Variants in WDR49 observed in about 807,000 individuals in gnomAD.
WDR49 encodes cilia- and flagella-associated protein 337.
In WDR49, 107 loss-of-function variants were observed where a neutral mutation model predicts 119.5. The observed-to-expected ratio is 0.90, with a 90% CI of 0.77 to 1.05. The LOEUF is 1.05. Ranked by LOEUF, WDR49 falls within the 50% of genes least tolerant of loss-of-function variation. WDR49 has a pLI of 0.00. For synonymous variants in WDR49, 425 were observed against 418.8 expected (o/e 1.01, Z -0.18); for missense variants, 1,240 against 1,220.5 (o/e 1.02, Z -0.24).
At chr3:167,505,226 GA>G in intron 17 of WDR49, 80 bp downstream of exon 17, 1 of 1,284,600 alleles carries the variant, frequency 7.8e-7, no homozygotes, top group Non-Finnish European at 9.9e-7. Context: ...GAACATTCCT[GA>G]CACACAGAGT....
intron 12 of WDR49, 27 bp from the exon 13 acceptor site, chr3:167,531,306 T>C (rs1481010522): frequency 6.2e-7 from 1 of 1,607,934 alleles, no homozygotes; most frequent in Admixed American, 1.7e-5. Flanking sequence ...GCCAAGTATA[T>C]TAATGAAGAA....
chr3:167,599,644 G>C (rs2108303712), intron 7 of WDR49, among the ~76,000 whole-genome samples: 1 of 152,310 alleles, frequency 6.6e-6, no homozygotes, highest in East Asian at 1.9e-4. Context: ...TCAAATAGAA[G>C]TGTCTCACTG....
In WDR49 at chr3:167,545,495, T is replaced by C. The variant is rs1712120879; in HGVS notation, c.1824-8495A>G. Among the ~76,000 whole-genome samples the C allele has an allele frequency of 2.5e-5, 3 of 121,602 alleles. No homozygotes were observed. In the South Asian group the frequency reaches 8.0e-4, roughly 32 times the overall value. The allele number at this position is 121,602 out of a possible 152,430, so 79.8% of individuals were successfully genotyped here. A position where few individuals can be genotyped will look rare whatever the true frequency, so the allele number is the denominator to read the frequency against. The stretch of plus-strand genomic sequence containing the variant: ...ATAAAGAAAATGTACCATATATATA[T>C]TATATATTATATATTATATATATAT... On this transcript the variant is annotated intron_variant, in intron 10 of 18. Transcript: ENST00000682715.
At chr3:167,508,924 T>C (rs1227366298) in intron 16 of WDR49, among the ~76,000 whole-genome samples, 1 of 152,210 alleles carries the variant, frequency 6.6e-6, no homozygotes, top group African/African-American at 2.4e-5. Flanking sequence ...TGAAATCTAC[T>C]GACAGAATAA....
intron 7 of WDR49, among the ~76,000 whole-genome samples, chr3:167,579,748 A>G (rs1012637776): frequency 3.3e-5 from 5 of 152,188 alleles, no homozygotes; most frequent in Non-Finnish European, 7.4e-5. Flanking sequence ...TTATAAATAT[A>G]AATAGAATTG....
intron 7 of WDR49, among the ~76,000 whole-genome samples, chr3:167,590,889 T>C (rs1384862029): frequency 1.3e-5 from 2 of 152,084 alleles, no homozygotes; most frequent in African/African-American, 2.4e-5. Flanking sequence ...TTTCATTTCA[T>C]TGATCTTTGT....
chr3:167,512,655 A>T (rs891279912), intron 16 of WDR49, among the ~76,000 whole-genome samples: 8 of 152,198 alleles, frequency 5.3e-5, no homozygotes, highest in Non-Finnish European at 1.0e-4. Context: ...TGGGTAATAA[A>T]CTTCACTGAG....
chr3:167,616,676 T>C (rs1716610754), intron 5 of WDR49, among the ~76,000 whole-genome samples: 1 of 151,740 alleles, frequency 6.6e-6, no homozygotes, highest in Non-Finnish European at 1.5e-5. Context: ...AAAATAACAA[T>C]AGAAAAATTT....
At chr3:167,503,751 G>A (rs990236375) in intron 17 of WDR49, among the ~76,000 whole-genome samples, 2 of 152,154 alleles carry the variant, frequency 1.3e-5, no homozygotes, top group African/African-American at 4.8e-5. Context: ...AGCTCAGCCC[G>A]AGCCATAACA....
chr3:167,527,838 A>G lies in WDR49; in HGVS notation c.2586T>C (p.Pro862=). ...TTTCTACCTGACCAAAGATCCAAAC[A>G]GGAGCATTGCAGACACCAGTCACAC... ...SICVTGVCNA[P]VWIFGQAKHW... Residue 862 remains proline, a synonymous_variant, in exon 15 of 19, where the codon CCT becomes CCC. Transcript: ENST00000682715. 1.2e-6 allele frequency: 2 copies of G among 1,612,846 alleles called. No homozygotes were observed. Among genetic ancestry groups the G allele is most frequent in the Non-Finnish European group, 8.5e-7 (1 of 1,179,318 alleles).
intron 8 of WDR49, among the ~76,000 whole-genome samples, chr3:167,574,713 A>C (rs1176558563): frequency 6.6e-6 from 1 of 152,192 alleles, no homozygotes; most frequent in Non-Finnish European, 1.5e-5. Context: ...AATATTGCTC[A>C]TCTTATGGCC....
chr3:167,555,266 G>C (rs73878749), intron 9 of WDR49, among the ~76,000 whole-genome samples: 2,632 of 152,272 alleles, frequency 0.017, 66 homozygotes, highest in African/African-American at 0.058. Context: ...GGGAGTTGAA[G>C]AGATTCTAGA....
upstream of WDR49, among the ~76,000 whole-genome samples, chr3:167,655,492 G>C (rs1048238395): frequency 1.3e-5 from 2 of 152,158 alleles, no homozygotes; most frequent in African/African-American, 4.8e-5. Flanking sequence ...ACAGAACAGA[G>C]AGAAGAGCAT....
intron 16 of WDR49, among the ~76,000 whole-genome samples, chr3:167,517,153 G>C (rs1752244149): frequency 6.6e-6 from 1 of 151,972 alleles, no homozygotes; most frequent in Non-Finnish European, 1.5e-5. Flanking sequence ...ATTCTTGACA[G>C]AATTAGAAAA....
intron 8 of WDR49, among the ~76,000 whole-genome samples, chr3:167,567,889 T>G (rs890975630): frequency 1.3e-5 from 2 of 152,314 alleles, no homozygotes; most frequent in South Asian, 4.1e-4. Flanking sequence ...GAAAAAAACA[T>G]TCTCATTGTC....
chr3:167,489,300 C>G (rs890017627), intron 18 of WDR49, among the ~76,000 whole-genome samples: 14 of 152,038 alleles, frequency 9.2e-5, no homozygotes, highest in Non-Finnish European at 1.9e-4. Context: ...GGGGTTGGCT[C>G]ACTCCTCACC....
intron 11 of WDR49, among the ~76,000 whole-genome samples, chr3:167,534,983 A>G (rs1752972690): frequency 6.6e-6 from 1 of 152,230 alleles, no homozygotes; most frequent in Non-Finnish European, 1.5e-5. Flanking sequence ...CAATACAAAT[A>G]AAAGCTAATA....
chr3:167,515,469 A>G (rs745555811), intron 16 of WDR49, among the ~76,000 whole-genome samples: 12 of 152,130 alleles, frequency 7.9e-5, no homozygotes, highest in Non-Finnish European at 1.8e-4. Context: ...AATAAAATAT[A>G]TATTGAAGGA....
intron 7 of WDR49, among the ~76,000 whole-genome samples, chr3:167,593,496 C>T (rs1217705285): frequency 6.6e-6 from 1 of 151,948 alleles, no homozygotes. Context: ...TGATAGAATT[C>T]TGAATTCCTT....
Sources: allele counts gnomAD v4.1 joint callset (sites outside exome capture counted in the v4.1 genomes callset), GRCh38; gene constraint gnomAD v4.1.1; transcripts MANE v1.5; gene names NCBI Gene and HGNC (gene_info 2026-07-23, HGNC 2026-07-21).